MAGI2: variants seen among roughly 807,000 people sequenced by gnomAD.
The protein encoded by MAGI2 is membrane associated guanylate kinase, WW and PDZ domain containing 2, also known as membrane-associated guanylate kinase, WW and PDZ domain-containing protein 2.
Under a neutral mutation model 133.3 loss-of-function variants are expected in MAGI2, and 35 were observed. That is an observed-to-expected ratio of 0.26 (90% confidence interval 0.20 to 0.35). The LOEUF (loss-of-function observed/expected upper bound fraction) is 0.35, where lower values mean the gene tolerates loss of function less well. Ranked by LOEUF, MAGI2 falls within the 10% of genes least tolerant of loss-of-function variation. MAGI2 has a pLI of 1.00. For missense variants in MAGI2, 1,636 were observed against 1,863.4 expected (o/e 0.88, Z 2.25); for synonymous variants, 729 against 710.6 (o/e 1.03, Z -0.41).
intron 2 of MAGI2, among the ~76,000 whole-genome samples, chr7:78,863,761 G>C (rs1183220070): frequency 1.3e-5 from 2 of 152,230 alleles, no homozygotes; most frequent in Non-Finnish European, 2.9e-5. Context: ...GAGTCCTTTT[G>C]TGTAAAGCAT....
chr7:79,170,028 T>C (rs1328873618), intron 1 of MAGI2, among the ~76,000 whole-genome samples: 2 of 151,036 alleles, frequency 1.3e-5, no homozygotes, highest in African/African-American at 4.9e-5. Context: ...ATAACTGAAA[T>C]AGGACTATAT....
At chr7:79,032,196 C>T (rs1810652421) in intron 1 of MAGI2, among the ~76,000 whole-genome samples, 1 of 152,112 alleles carries the variant, frequency 6.6e-6, no homozygotes. Context: ...CAAATATTCT[C>T]TGTCATTCTT....
intron 21 of MAGI2, among the ~76,000 whole-genome samples, chr7:78,035,692 T>C (rs534456221): frequency 6.6e-6 from 1 of 152,240 alleles, no homozygotes; most frequent in African/African-American, 2.4e-5. Context: ...GCCCAGCCTG[T>C]ATTCTGCTTC....
chr7:78,412,833 C>T (rs1797985077), intron 6 of MAGI2, among the ~76,000 whole-genome samples: 2 of 152,166 alleles, frequency 1.3e-5, no homozygotes, highest in Admixed American at 1.3e-4. Context: ...GGAGAAATAT[C>T]ACAAATGTGA....
intron 21 of MAGI2, among the ~76,000 whole-genome samples, chr7:78,047,876 C>T (rs995083130): frequency 2.6e-5 from 4 of 152,200 alleles, no homozygotes; most frequent in Admixed American, 6.5e-5. Context: ...CTGGATTGCC[C>T]CACTGCCTCT....
chr7:79,327,083 A>G (rs1839749226), intron 1 of MAGI2, among the ~76,000 whole-genome samples: 1 of 152,158 alleles, frequency 6.6e-6, no homozygotes, highest in South Asian at 2.1e-4. Flanking sequence ...CTCTGGAGCC[A>G]TACTTGGTGG....
chr7:79,344,480 T>C (rs1841156506), intron 1 of MAGI2, among the ~76,000 whole-genome samples: 1 of 152,114 alleles, frequency 6.6e-6, no homozygotes, highest in Admixed American at 6.6e-5. Flanking sequence ...TGAATTGTGA[T>C]GGTGTCATAG....
chr7:78,967,675 A>C (rs1803446171), intron 2 of MAGI2, among the ~76,000 whole-genome samples: 1 of 151,818 alleles, frequency 6.6e-6, no homozygotes, highest in Non-Finnish European at 1.5e-5. Context: ...GTGGATATCC[A>C]GTTTTCCAAA....
chr7:79,311,494 C>T (rs1838288764), intron 1 of MAGI2, among the ~76,000 whole-genome samples: 1 of 152,062 alleles, frequency 6.6e-6, no homozygotes, highest in East Asian at 1.9e-4. Context: ...ACTTGACTTC[C>T]AGGACATCAG....
At chr7:79,165,936 ATTGT>A (rs1824861695) in intron 1 of MAGI2, among the ~76,000 whole-genome samples, 1 of 152,104 alleles carries the variant, frequency 6.6e-6, no homozygotes, top group South Asian at 2.1e-4. Flanking sequence ...TAACAAACTC[ATTGT>A]TTGACCAAAA....
At chr7:78,282,559 A>C (rs1795726512) in intron 9 of MAGI2, among the ~76,000 whole-genome samples, 1 of 151,894 alleles carries the variant, frequency 6.6e-6, no homozygotes, top group Non-Finnish European at 1.5e-5. Flanking sequence ...TTTCCAGGAA[A>C]TGTTTGCTGA....
intron 8 of MAGI2, among the ~76,000 whole-genome samples, chr7:78,345,032 A>T (rs979059549): frequency 6.6e-6 from 1 of 152,180 alleles, no homozygotes; most frequent in African/African-American, 2.4e-5. Flanking sequence ...ATTCTGCATG[A>T]TATCTTTGTT....
chr7:79,213,286 G>GT (rs1829667640), intron 1 of MAGI2, among the ~76,000 whole-genome samples: 1 of 149,306 alleles, frequency 6.7e-6, no homozygotes, highest in Admixed American at 6.6e-5. Context: ...ATATATATAT[G>GT]TGGGTGTACG....
chr7:78,162,651 C>T (rs1462666893), intron 15 of MAGI2, among the ~76,000 whole-genome samples: 1 of 152,028 alleles, frequency 6.6e-6, no homozygotes. Flanking sequence ...GTGAGGATTC[C>T]CTGGGTAAGT....
intron 3 of MAGI2, among the ~76,000 whole-genome samples, chr7:78,578,114 TG>T (rs924935430): frequency 6.6e-6 from 1 of 152,018 alleles, no homozygotes; most frequent in African/African-American, 2.4e-5. Flanking sequence ...AGGGAAAATT[TG>T]GCAGGATATA....
At chr7:78,223,869 T>C (rs1202069847) in intron 10 of MAGI2, among the ~76,000 whole-genome samples, 3 of 152,190 alleles carry the variant, frequency 2.0e-5, no homozygotes, top group Admixed American at 6.5e-5. Context: ...TCATCATCAT[T>C]ATTGTCTATT....
chr7:79,257,214 A>G (rs919546382), intron 1 of MAGI2, among the ~76,000 whole-genome samples: 33 of 152,200 alleles, frequency 2.2e-4, no homozygotes, highest in African/African-American at 8.0e-4. Flanking sequence ...CTGCAGTTCA[A>G]TACATAAATT....
At chr7:78,530,390 T>A (rs897339198) in intron 3 of MAGI2, among the ~76,000 whole-genome samples, 12 of 152,254 alleles carry the variant, frequency 7.9e-5, no homozygotes, top group Non-Finnish European at 5.9e-5. Flanking sequence ...CTTGAAATAT[T>A]CATTTTTAAC....
chr7:79,200,500 AC>A (rs1357341140), intron 1 of MAGI2, among the ~76,000 whole-genome samples: 1 of 151,198 alleles, frequency 6.6e-6, no homozygotes, highest in East Asian at 1.9e-4. Context: ...TGTCCCACCT[AC>A]TTGGGGGGCT....
Sources: gnomAD v4.1 joint callset for allele counts (sites outside exome capture counted in the v4.1 genomes callset) on GRCh38, gnomAD v4.1.1 for gene constraint, MANE v1.5 for transcripts, NCBI Gene and HGNC (gene_info 2026-07-23, HGNC 2026-07-21) for gene names.